DSC3: variants seen among roughly 807,000 people sequenced by gnomAD.
The protein encoded by DSC3 is desmocollin 3.
In DSC3, 97 loss-of-function variants were observed where a neutral mutation model predicts 89.5. The observed-to-expected ratio is 1.08, with a 90% CI of 0.92 to 1.28. The LOEUF (loss-of-function observed/expected upper bound fraction) is 1.28, where lower values mean the gene tolerates loss of function less well. Ranked by LOEUF, DSC3 falls within the 50% of genes most tolerant of loss-of-function variation. The pLI, the probability that DSC3 is intolerant of heterozygous loss-of-function variation, is 0.00. For synonymous variants in DSC3, 436 were observed against 384.1 expected (o/e 1.14, Z -1.58); for missense variants, 1,199 against 1,085.3 (o/e 1.10, Z -1.47).
intron 1 of DSC3, among the ~76,000 whole-genome samples, chr18:31,033,327 A>T (rs1598552413): frequency 6.6e-6 from 1 of 152,328 alleles, no homozygotes; most frequent in East Asian, 1.9e-4. Flanking sequence ...TTGAAAATGA[A>T]AAAAAACTGA....
chr18:31,008,616 C>T lies in DSC3; in HGVS notation c.1264-91G>A. The T allele has an allele frequency of 5.3e-6, 8 of 1,504,212 alleles. No homozygotes were observed. The South Asian group carries it at 5.7e-5, about 11-fold the overall frequency. The allele number at this position is 1,504,212 out of a possible 1,614,324, so 93.2% of individuals were successfully genotyped here. ...TGAACATTTGTCATCCTGACCAGTG[C>T]TGCATAAATTCTATGTTCACATGTT... On this transcript the variant is annotated intron_variant, in intron 9 of 15. Coordinates refer to ENST00000360428, the MANE Select transcript of DSC3 (RefSeq NM_001941.5).
intron 7 of DSC3, among the ~76,000 whole-genome samples, chr18:31,020,138 T>C (rs560347961): frequency 6.2e-4 from 95 of 152,280 alleles, no homozygotes; most frequent in African/African-American, 2.2e-3. Context: ...AAAAGGCACC[T>C]GGATATATGG....
Position 31,032,191 on chromosome 18 carries a change from C to T in DSC3, c.154+1G>A. The T allele has an allele frequency of 6.2e-7, 1 of 1,608,862 alleles. No individual in the cohort carries two copies. Among genetic ancestry groups the T allele is most frequent in the Non-Finnish European group, 8.5e-7 (1 of 1,175,252 alleles). The stretch of plus-strand genomic sequence containing the variant: ...TTAAAAAGACTTTTAAAATTTCTCA[C>T]CTCTGCCAATTATTTTGTCTGCCTC... On this transcript the variant is annotated splice_donor_variant, in intron 2 of 15. Coordinates refer to ENST00000360428, the MANE Select transcript of DSC3 (RefSeq NM_001941.5). LOFTEE classifies it high-confidence loss of function.
intron 1 of DSC3, among the ~76,000 whole-genome samples, chr18:31,035,875 A>G (rs1189548248): frequency 2.0e-5 from 3 of 152,260 alleles, no homozygotes; most frequent in East Asian, 3.9e-4. Context: ...TACTTTCATT[A>G]TATAGTATAT....
intron 3 of DSC3, among the ~76,000 whole-genome samples, chr18:31,029,859 C>T (rs1985723167): frequency 6.6e-6 from 1 of 152,158 alleles, no homozygotes; most frequent in Non-Finnish European, 1.5e-5. Flanking sequence ...GTATACCATT[C>T]TAACACTGAC....
chr18:31,036,798 C>CTTTTTT (rs775187201), intron 1 of DSC3, among the ~76,000 whole-genome samples: 1 of 107,424 alleles, frequency 9.3e-6, no homozygotes. Flanking sequence ...TTCTTTCTTC[C>CTTTTTT]TTTTTTTTTT....
At chr18:31,016,287 G>A (rs1985234301) in intron 9 of DSC3, among the ~76,000 whole-genome samples, 1 of 152,154 alleles carries the variant, frequency 6.6e-6, no homozygotes, top group South Asian at 2.1e-4. Context: ...TCCTTTGTCT[G>A]TTGCTCTAAT....
In DSC3 at chr18:31,004,046, T is replaced by G; in HGVS notation, c.2113+96A>C. On this transcript the variant is annotated intron_variant, in intron 13 of 15. Coordinates refer to ENST00000360428, the MANE Select transcript of DSC3 (RefSeq NM_001941.5). The stretch of plus-strand genomic sequence containing the variant: ...AGGAACTTGGAAAGAGACTCACATC[T>G]GATGGATGCTTGGACGAGATTATTT... The G allele has an allele frequency of 4.2e-6, 4 of 951,834 alleles. No homozygotes were observed. In the South Asian group the frequency reaches 5.9e-5, roughly 14 times the overall value. 59.0% of individuals were successfully genotyped at this position (951,834 alleles called of 1,614,324 possible).
In DSC3 at chr18:30,991,120, A is replaced by G. The variant is rs921098382; in HGVS notation, c.*3055T>C. 2.0e-5 allele frequency: 3 copies of G among 152,764 alleles called. No homozygotes were observed. The highest frequency in any genetic ancestry group is 7.2e-5 in the African/African-American group (3 of 41,578). The allele number at this position is 152,764 out of a possible 1,614,324, so 9.5% of individuals were successfully genotyped here. On this transcript the variant is annotated 3_prime_UTR_variant, in exon 16 of 16. Coordinates refer to ENST00000360428, the MANE Select transcript of DSC3 (RefSeq NM_001941.5). The stretch of plus-strand genomic sequence containing the variant: ...CACATCTGTAAATATTACTTTACGC[A>G]TCCAATTTTTGCTTATTTTAAGCAG...
intron 9 of DSC3, among the ~76,000 whole-genome samples, chr18:31,017,551 C>A (rs766604558): frequency 1.9e-4 from 29 of 151,962 alleles, no homozygotes; most frequent in Non-Finnish European, 3.7e-4. Context: ...GTGAATATCA[C>A]CTTTAAAAGG....
At chr18:30,994,511 T>G in intron 15 of DSC3, 139 bp from the exon 16 acceptor site, 1 of 1,579,194 alleles carries the variant, frequency 6.3e-7, no homozygotes, top group Non-Finnish European at 8.6e-7. Context: ...ACACAGAAAA[T>G]GCAAATGATT....
intron 9 of DSC3, among the ~76,000 whole-genome samples, chr18:31,015,435 AC>A (rs1985203705): frequency 6.6e-6 from 1 of 152,348 alleles, no homozygotes; most frequent in African/African-American, 2.4e-5. Context: ...GGACAAAAAA[AC>A]ATACAAAAGA....
chr18:31,002,105 A>G (rs547763017), intron 13 of DSC3, among the ~76,000 whole-genome samples: 1 of 152,332 alleles, frequency 6.6e-6, no homozygotes, highest in African/African-American at 2.4e-5. Context: ...ATGTAAAAAA[A>G]GAATTGTGTA....
chr18:31,015,177 T>C (rs1985194011), intron 9 of DSC3, among the ~76,000 whole-genome samples: 1 of 152,124 alleles, frequency 6.6e-6, no homozygotes, highest in Non-Finnish European at 1.5e-5. Flanking sequence ...GAAATAAATG[T>C]ATATAAATGT....
rs752857952 is a variant in DSC3 at position 31,018,129 on chromosome 18, C to T, written c.1205G>A (p.Gly402Glu). 82 of 1,612,386 alleles carry T rather than the reference C, an allele frequency of 5.1e-5. No homozygotes were observed. Among genetic ancestry groups the T allele is most frequent in the Non-Finnish European group, 6.4e-5 (76 of 1,179,296 alleles). ...TTTGTCTGTGCTGATTTTGAAATGT[C>T]CATTTTCATTTCCCTTTAAAATGGT... ...NFTILKGNENGHFKISTDKET... is the reference protein window; with the variant it reads ...NFTILKGNENEHFKISTDKET... Residue 402 changes from glycine (G) to glutamate (E), a missense_variant, in exon 9 of 16, where the codon GGA (glycine) becomes GAA (glutamate). Coordinates refer to ENST00000360428, the MANE Select transcript of DSC3 (RefSeq NM_001941.5).
intron 9 of DSC3, among the ~76,000 whole-genome samples, chr18:31,010,923 A>G (rs977714146): frequency 6.6e-6 from 1 of 152,232 alleles, no homozygotes; most frequent in African/African-American, 2.4e-5. Flanking sequence ...ACATAGCATA[A>G]CTTTTTAAAA....
chr18:30,998,053 TG>T (rs1984535992), intron 14 of DSC3, among the ~76,000 whole-genome samples: 3 of 152,252 alleles, frequency 2.0e-5, no homozygotes, highest in Non-Finnish European at 4.4e-5. Context: ...TCACAGGGAC[TG>T]TGAAGAATTT....
In DSC3 at chr18:30,994,380, A is replaced by AT; in HGVS notation, c.2494-9dup. 1.9e-6 allele frequency: 3 copies of AT among 1,613,122 alleles called. No individual in the cohort carries two copies. Among genetic ancestry groups the AT allele is most frequent in the Non-Finnish European group, 2.5e-6 (3 of 1,179,488 alleles). The stretch of plus-strand genomic sequence containing the variant: ...ATTACATCGATGCAATTTCTGTAAA[A>AT]TTTTTTAAAAAATGAATTGCATTAT... On this transcript the variant is annotated splice_polypyrimidine_tract_variant and intron_variant, in intron 15 of 15. Coordinates refer to ENST00000360428, the MANE Select transcript of DSC3 (RefSeq NM_001941.5).
rs757850233 is a variant in DSC3, at chr18:31,004,111, A to C, written c.2113+31T>G. ...CCCACACCTAGATTTTTTATTATAT[A>C]TTTTAACTTCAAGAAAGTGAAAATA... On this transcript the variant is annotated intron_variant, in intron 13 of 15. Transcript: ENST00000360428. The C allele has an allele frequency of 4.6e-6, 7 of 1,525,416 alleles. No homozygotes were observed. The East Asian group carries it at 1.6e-4, about 35-fold the overall frequency. 94.5% of individuals were successfully genotyped at this position (1,525,416 alleles called of 1,614,324 possible).
Sources: allele counts gnomAD v4.1 joint callset (sites outside exome capture counted in the v4.1 genomes callset), GRCh38; gene constraint gnomAD v4.1.1; transcripts MANE v1.5; gene names NCBI Gene and HGNC (gene_info 2026-07-23, HGNC 2026-07-21).